RUNX1: variants seen among roughly 807,000 people sequenced by gnomAD.
RUNX1 encodes the protein RUNX family transcription factor 1.
In RUNX1, 19 loss-of-function variants were observed where a neutral mutation model predicts 42.8. The ratio of observed to expected loss-of-function variants is 0.44; its 90% CI spans 0.31 to 0.65. RUNX1 has a LOEUF of 0.65. RUNX1 is among the 30% of genes least tolerant of loss of function. The probability of loss-of-function intolerance (pLI) is 0.07; values close to 1 mark genes in which losing one functional copy is unlikely to be tolerated. For synonymous variants in RUNX1, 271 were observed against 289.4 expected (o/e 0.94, Z 0.64); for missense variants, 528 against 672.0 (o/e 0.79, Z 2.37).
chr21:34,868,514 C>T (rs527758606), intron 5 of RUNX1, among the ~76,000 whole-genome samples: 89 of 152,338 alleles, frequency 5.8e-4, no homozygotes, highest in African/African-American at 2.1e-3. Context: ...CATCTCTCAG[C>T]TCCCAACAGG....
In RUNX1 at chr21:34,834,553, A is replaced by G; in HGVS notation, c.662T>C (p.Phe221Ser). The part of the protein sequence containing the change: ...DDQTKPGSLS[F>S]SERLSELEQL... ...CTCCAGTTCACTGAGCCGCTCGGAA[A>G]AGGACAAGCTCCCGGGCTTGGTCTG... Residue 221 changes from phenylalanine to serine, a missense_variant, in exon 7 of 9, where the codon TTT (phenylalanine) becomes TCT (serine). This residue lies in a region of RUNX1 where 331 missense variants were observed against 382.5 expected (regional missense o/e 0.87). Transcript: ENST00000675419. The G allele has an allele frequency of 6.2e-7, 1 of 1,612,754 alleles. No individual in the cohort carries two copies. The highest frequency in any genetic ancestry group is 1.3e-5 in the African/African-American group (1 of 74,892).
At chr21:35,038,722 G>T (rs2059335430) in intron 2 of RUNX1, 1 of 455,948 alleles carries the variant, frequency 2.2e-6, no homozygotes, top group Non-Finnish European at 4.4e-6. Context: ...CAGGAGTGAT[G>T]TGAGCATATA....
chr21:35,034,765 GAGGGCAGA>G (rs2059295757), intron 2 of RUNX1, among the ~76,000 whole-genome samples: 1 of 152,228 alleles, frequency 6.6e-6, no homozygotes, highest in Non-Finnish European at 1.5e-5. Context: ...GGTGTGAGCA[GAGGGCAGA>G]TCCTCAGCCT....
At chr21:34,910,978 C>T (rs1281356094) in intron 2 of RUNX1, among the ~76,000 whole-genome samples, 1 of 152,114 alleles carries the variant, frequency 6.6e-6, no homozygotes, top group Non-Finnish European at 1.5e-5. Flanking sequence ...TTATTTGCCC[C>T]AGCTGGCTGT....
At chr21:34,978,998 G>C in intron 2 of RUNX1, among the ~76,000 whole-genome samples, 1 of 131,946 alleles carries the variant, frequency 7.6e-6, no homozygotes. Flanking sequence ...TGTCCATCCT[G>C]GGCCAGGTAG....
intron 2 of RUNX1, among the ~76,000 whole-genome samples, chr21:34,906,840 T>C (rs1052077548): frequency 1.3e-5 from 2 of 152,172 alleles, no homozygotes; most frequent in African/African-American, 2.4e-5. Context: ...CCCAGATAGA[T>C]GGATAAATAT....
chr21:34,906,067 T>C (rs970852503), intron 2 of RUNX1, among the ~76,000 whole-genome samples: 2 of 152,248 alleles, frequency 1.3e-5, no homozygotes, highest in Non-Finnish European at 1.5e-5. Flanking sequence ...ATAACCTGAA[T>C]TCCCCTTTGA....
At chr21:34,860,575 TCTC>T (rs1452911152) in intron 5 of RUNX1, among the ~76,000 whole-genome samples, 1 of 152,106 alleles carries the variant, frequency 6.6e-6, no homozygotes, top group Non-Finnish European at 1.5e-5. Flanking sequence ...TTATTTCTCT[TCTC>T]TGTTTCTCAC....
rs71324340 is a variant in RUNX1, at chr21:34,993,498, T to TACACAC, written c.58+55338_58+55343dup. Among the ~76,000 whole-genome samples the TACACAC allele has an allele frequency of 2.3e-3, 297 of 128,516 alleles. 4 individuals are homozygous for TACACAC. Among genetic ancestry groups the TACACAC allele is most frequent in the African/African-American group, 8.0e-3 (244 of 30,482 alleles). The allele number at this position is 128,516 out of a possible 152,430, so 84.3% of individuals were successfully genotyped here. ...AGGACAATGTCTGTTTGTTTGTCCC[T>TACACAC]ACACACACACACACACACACACACA... On this transcript the variant is annotated intron_variant, in intron 2 of 8. Coordinates refer to ENST00000675419, the MANE Select transcript of RUNX1 (RefSeq NM_001754.5).
chr21:34,858,612 C>T (rs763714303), intron 6 of RUNX1, among the ~76,000 whole-genome samples: 10 of 152,224 alleles, frequency 6.6e-5, no homozygotes, highest in Middle Eastern at 6.8e-3. Context: ...AGTAGGAAGC[C>T]CTGTTTTTCA....
intron 5 of RUNX1, among the ~76,000 whole-genome samples, chr21:34,868,890 C>A (rs2057699418): frequency 6.6e-6 from 1 of 152,108 alleles, no homozygotes; most frequent in African/African-American, 2.4e-5. Context: ...AGTAAATGAC[C>A]TTGGGGGGTG....
At position 34,792,254 on chromosome 21, in the gene RUNX1, G is replaced by C; in HGVS notation, c.1324C>G (p.Leu442Val). 1 of 1,537,796 alleles carries C rather than the reference G, an allele frequency of 6.5e-7. No individual in the cohort carries two copies. Among genetic ancestry groups the C allele is most frequent in the South Asian group, 1.2e-5 (1 of 84,098 alleles). Residue 442 changes from leucine (L) to valine (V), a missense_variant, in exon 9 of 9, where the codon CTC (leucine) becomes GTC (valine). Around this residue, in one of 3 missense-constraint regions of RUNX1, gnomAD observed 331 missense variants for 382.5 expected, o/e 0.87. Coordinates refer to ENST00000675419, the MANE Select transcript of RUNX1 (RefSeq NM_001754.5). The surrounding 1 kb of genome is among the most constrained non-coding windows in gnomAD (Gnocchi z 6.9). ...CTCTGGTTCGGGAGGCTGGGGTTGA[G>C]CAGCGCGGAGCCGGTGGAGGCGTTG... is the stretch of plus-strand genomic sequence containing the variant. ...CTNASTGSAL[L>V]NPSLPNQSDV...
chr21:34,959,998 G>T (rs1247624816), intron 2 of RUNX1, among the ~76,000 whole-genome samples: 1 of 152,152 alleles, frequency 6.6e-6, no homozygotes, highest in Non-Finnish European at 1.5e-5. Context: ...GGGCTCCAGT[G>T]GGAAATCTGG....
intron 2 of RUNX1, chr21:35,038,611 CTCTGTGTGTGTGTGTG>C (rs2059332409): frequency 1.3e-4 from 40 of 301,720 alleles, no homozygotes; most frequent in Non-Finnish European, 8.5e-5. Flanking sequence ...CTCTCTCTCT[CTCTGTGTGTGTGTGTG>C]TGTGTGTGTG....
At chr21:35,038,499 G>A (rs762549871) in intron 2 of RUNX1, 18 of 455,842 alleles carry the variant, frequency 3.9e-5, no homozygotes, top group Non-Finnish European at 1.3e-5. Context: ...CCTAGAGAAA[G>A]CTTCCTTGAA....
chr21:34,908,611 G>A (rs773578298), intron 2 of RUNX1, among the ~76,000 whole-genome samples: 13 of 152,262 alleles, frequency 8.5e-5, no homozygotes, highest in Non-Finnish European at 1.8e-4. Context: ...CCATTCTTGT[G>A]AAGGCCAGAT....
chr21:34,968,312 G>A (rs1438524048), intron 2 of RUNX1, among the ~76,000 whole-genome samples: 1 of 152,160 alleles, frequency 6.6e-6, no homozygotes, highest in Non-Finnish European at 1.5e-5. Context: ...AGGATGCTAG[G>A]AAGCTTCAGA....
intron 2 of RUNX1, among the ~76,000 whole-genome samples, chr21:34,939,852 A>G (rs1178760471): frequency 6.6e-6 from 1 of 151,972 alleles, no homozygotes; most frequent in Non-Finnish European, 1.5e-5. Flanking sequence ...AGGTTTTTTT[A>G]TTTTTATTTT....
At position 34,793,829 on chromosome 21, in the gene RUNX1, G is replaced by A. The variant is rs751943412; in HGVS notation, c.968-1219C>T. ...AGCAATTCTACTGCCTCAGCCTCCC[G>A]AGTAGCTGGGATTACAGGCGCCCGC... On this transcript the variant is annotated intron_variant, in intron 8 of 8. Transcript: ENST00000675419. Among the ~76,000 whole-genome samples, 6 of 151,436 alleles carry A rather than the reference G, an allele frequency of 4.0e-5. No individual in the cohort carries two copies. The South Asian group carries it at 6.3e-4, about 16-fold the overall frequency.
Sources: allele counts gnomAD v4.1 joint callset (sites outside exome capture counted in the v4.1 genomes callset), GRCh38; gene constraint gnomAD v4.1.1; regional missense constraint gnomAD v4.1.1; non-coding constraint Gnocchi (gnomAD v3.1); transcripts MANE v1.5; gene names NCBI Gene and HGNC (gene_info 2026-07-23, HGNC 2026-07-21).